ADK: variants seen among roughly 807,000 people sequenced by gnomAD.
ADK encodes the protein adenosine kinase.
Under a neutral mutation model 44.7 loss-of-function variants are expected in ADK, and 24 were observed. The observed-to-expected ratio is 0.54, with a 90% confidence interval of 0.39 to 0.76. The LOEUF is 0.76. Among genes scored for constraint, ADK ranks in the 30% least tolerant of loss-of-function variants. ADK has a pLI of 0.00. For missense variants in ADK, 321 were observed against 425.1 expected, an observed-to-expected ratio of 0.76 and a Z score of 2.15; for synonymous variants, 128 against 142.6, an observed-to-expected ratio of 0.90 and a Z score of 0.73.
intron 4 of ADK, among the ~76,000 whole-genome samples, chr10:74,361,670 C>T (rs752267806): frequency 3.3e-5 from 5 of 152,158 alleles, no homozygotes; most frequent in Non-Finnish European, 5.9e-5. Context: ...ACTGCAAATA[C>T]AATATTAATA....
intron 9 of ADK, among the ~76,000 whole-genome samples, chr10:74,634,178 T>G (rs376549344): frequency 6.6e-6 from 1 of 152,092 alleles, no homozygotes; most frequent in East Asian, 1.9e-4. Context: ...AACATTTGAG[T>G]AGACTGTACA....
chr10:74,549,688 C>T (rs757858440), intron 7 of ADK, among the ~76,000 whole-genome samples: 4 of 152,144 alleles, frequency 2.6e-5, no homozygotes, highest in African/African-American at 4.8e-5. Context: ...CCGCCTACCT[C>T]GGCCTCCCAA....
chr10:74,697,752 A>G (rs1264293584), intron 10 of ADK, among the ~76,000 whole-genome samples: 1 of 152,206 alleles, frequency 6.6e-6, no homozygotes, highest in Non-Finnish European at 1.5e-5. Flanking sequence ...TGACACTAAG[A>G]AAATTCTAGA....
chr10:74,548,252 G>T (rs958237382), intron 7 of ADK, among the ~76,000 whole-genome samples: 1 of 151,608 alleles, frequency 6.6e-6, no homozygotes, highest in East Asian at 1.9e-4. Context: ...AATAAACTTT[G>T]TAAATAAATC....
chr10:74,534,262 A>G (rs77199906), intron 7 of ADK, among the ~76,000 whole-genome samples: 2 of 152,348 alleles, frequency 1.3e-5, no homozygotes, highest in Non-Finnish European at 2.9e-5. Flanking sequence ...AGATAATTGT[A>G]TGTCAGTTAT....
intron 3 of ADK, among the ~76,000 whole-genome samples, chr10:74,254,704 C>T (rs1014145111): frequency 1.3e-5 from 2 of 151,990 alleles, no homozygotes; most frequent in Non-Finnish European, 2.9e-5. Flanking sequence ...AAGTTTGGAG[C>T]AAAGAGCTCT....
At chr10:74,258,475 A>G (rs1404085027) in intron 3 of ADK, among the ~76,000 whole-genome samples, 2 of 152,262 alleles carry the variant, frequency 1.3e-5, no homozygotes, top group Middle Eastern at 3.4e-3. Context: ...ATTATCTGTA[A>G]TAAGCCACCT....
intron 1 of ADK, among the ~76,000 whole-genome samples, chr10:74,190,981 C>CTTTTTTTTT (rs61491732): frequency 7.4e-6 from 1 of 134,964 alleles, no homozygotes; most frequent in Non-Finnish European, 1.6e-5. Flanking sequence ...CTATTTTTGA[C>CTTTTTTTTT]TTTTTTTTTT....
chr10:74,358,361 G>A (rs1181678712), intron 4 of ADK, among the ~76,000 whole-genome samples: 1 of 152,116 alleles, frequency 6.6e-6, no homozygotes, highest in African/African-American at 2.4e-5. Flanking sequence ...TTACTGTGAT[G>A]TAGAACATTT....
intron 4 of ADK, among the ~76,000 whole-genome samples, chr10:74,332,789 G>T (rs1841265460): frequency 6.6e-6 from 1 of 152,134 alleles, no homozygotes; most frequent in East Asian, 1.9e-4. Context: ...TGTCAGCTAA[G>T]TATTTGTGTA....
intron 6 of ADK, among the ~76,000 whole-genome samples, chr10:74,441,589 A>G (rs1039085869): frequency 2.0e-5 from 3 of 152,232 alleles, no homozygotes; most frequent in African/African-American, 7.2e-5. Context: ...ATTTAAACAT[A>G]AAACCTGAGA....
At chr10:74,562,609 A>G (rs1850502593) in intron 7 of ADK, among the ~76,000 whole-genome samples, 1 of 152,246 alleles carries the variant, frequency 6.6e-6, no homozygotes, top group South Asian at 2.1e-4. Flanking sequence ...ATATACATAT[A>G]AAAGAACAGA....
intron 6 of ADK, among the ~76,000 whole-genome samples, chr10:74,494,323 A>G (rs1220377196): frequency 6.6e-6 from 1 of 152,164 alleles, no homozygotes; most frequent in Admixed American, 6.5e-5. Flanking sequence ...TCTCTTATAT[A>G]CATACATTCT....
At chr10:74,312,914 C>CAAAAAAAAAAAAAAAAAA (rs56052959) in intron 3 of ADK, among the ~76,000 whole-genome samples, 3 of 37,830 alleles carry the variant, frequency 7.9e-5, no homozygotes, top group African/African-American at 2.9e-4. Context: ...ATTCTGTCTC[C>CAAAAAAAAAAAAAAAAAA]AAAAAAAAAA....
intron 6 of ADK, among the ~76,000 whole-genome samples, chr10:74,490,843 T>C (rs971096395): frequency 1.3e-5 from 2 of 152,116 alleles, no homozygotes; most frequent in African/African-American, 4.8e-5. Flanking sequence ...TTTTTCCCCA[T>C]AGTAACTCAC....
intron 6 of ADK, among the ~76,000 whole-genome samples, chr10:74,422,598 G>A (rs1278968326): frequency 6.6e-6 from 1 of 152,110 alleles, no homozygotes; most frequent in African/African-American, 2.4e-5. Flanking sequence ...TATTAAACTT[G>A]CAATTTTTCT....
At chr10:74,271,710 A>G (rs543142577) in intron 3 of ADK, among the ~76,000 whole-genome samples, 4 of 149,604 alleles carry the variant, frequency 2.7e-5, no homozygotes, top group Non-Finnish European at 4.4e-5. Flanking sequence ...ATGATTTCCA[A>G]TTTCATCCAT....
intron 1 of ADK, among the ~76,000 whole-genome samples, chr10:74,172,316 T>C (rs1178154608): frequency 6.6e-6 from 1 of 152,032 alleles, no homozygotes; most frequent in Admixed American, 6.5e-5. Context: ...AAGCTGGTTT[T>C]GAACCCCTAG....
intron 7 of ADK, among the ~76,000 whole-genome samples, chr10:74,557,416 G>T (rs2133805292): frequency 6.6e-6 from 1 of 152,250 alleles, no homozygotes; most frequent in South Asian, 2.1e-4. Flanking sequence ...AATGGCCAGA[G>T]ATGTTATTGT....
Sources: gnomAD v4.1 joint callset for allele counts (sites outside exome capture counted in the v4.1 genomes callset) on GRCh38, gnomAD v4.1.1 for gene constraint, MANE v1.5 for transcripts, NCBI Gene and HGNC (gene_info 2026-07-23, HGNC 2026-07-21) for gene names.